PHF14: variants seen among roughly 807,000 people sequenced by gnomAD.
PHF14 encodes the protein PHD finger protein 14.
In PHF14, 55 loss-of-function variants were observed where a neutral mutation model predicts 117.9. The observed-to-expected ratio is 0.47, with a 90% CI of 0.38 to 0.58. The LOEUF is 0.58. Ranked by LOEUF, PHF14 falls within the 20% of genes least tolerant of loss-of-function variation. PHF14 has a pLI of 0.00. For synonymous variants in PHF14, 409 were observed against 368.6 expected (o/e 1.11, Z -1.26); for missense variants, 978 against 1,122.2 (o/e 0.87, Z 1.84).
chr7:11,051,471 A>T, intron 13 of PHF14, 141 bp from the exon 14 acceptor site: 2 of 634,554 alleles, frequency 3.2e-6, no homozygotes, highest in African/African-American at 1.8e-5. Context: ...ATGTTTTTTC[A>T]TTATGTACCC....
intron 17 of PHF14, among the ~76,000 whole-genome samples, chr7:11,143,999 C>T (rs1380311968): frequency 6.6e-6 from 1 of 152,000 alleles, no homozygotes; most frequent in Non-Finnish European, 1.5e-5. Flanking sequence ...CTCTGTAGAA[C>T]ATACCTGGAA....
At chr7:10,974,769 G>C (rs977837497) in intron 1 of PHF14, 66 bp from the exon 2 acceptor site, 11 of 816,816 alleles carry the variant, frequency 1.3e-5, no homozygotes, top group African/African-American at 5.2e-5. Flanking sequence ...TGTTCTCTTA[G>C]CACCACAACT....
At chr7:11,024,709 A>G (rs1288955564) in intron 6 of PHF14, among the ~76,000 whole-genome samples, 1 of 152,176 alleles carries the variant, frequency 6.6e-6, no homozygotes, top group Non-Finnish European at 1.5e-5. Flanking sequence ...CCTTGTTGAG[A>G]CTTACTGCTC....
At chr7:11,134,733 T>C (rs1008921071) in intron 17 of PHF14, among the ~76,000 whole-genome samples, 1 of 152,080 alleles carries the variant, frequency 6.6e-6, no homozygotes, top group African/African-American at 2.4e-5. Flanking sequence ...GAAATTATCG[T>C]AATCTTGTCA....
chr7:11,133,452 T>C (rs537141919), intron 17 of PHF14, among the ~76,000 whole-genome samples: 7 of 152,102 alleles, frequency 4.6e-5, no homozygotes, highest in South Asian at 2.1e-4. Flanking sequence ...AAAGAAAATA[T>C]AGTCTTTTCA....
chr7:11,132,532 G>A (rs914133581), intron 17 of PHF14, among the ~76,000 whole-genome samples: 1 of 151,670 alleles, frequency 6.6e-6, no homozygotes, highest in Non-Finnish European at 1.5e-5. Flanking sequence ...CTTGGCTATT[G>A]TGAATAATGC....
intron 17 of PHF14, among the ~76,000 whole-genome samples, chr7:11,140,412 G>A (rs1202613746): frequency 6.6e-6 from 1 of 152,082 alleles, no homozygotes; most frequent in Non-Finnish European, 1.5e-5. Context: ...CATTAGGGCT[G>A]ATATGTAGGT....
rs1784780719 is a variant in PHF14, at chr7:11,049,472, CTCA to C, written c.2313-2139_2313-2137del. ...CCTGGGCGACTTAGCAAGACTGTCT[CTCA>C]AAAAAAAAAAAAAAAAAAGTGTAAA... On this transcript the variant is annotated intron_variant, in intron 13 of 17. Coordinates refer to ENST00000634607, the MANE Select transcript of PHF14 (RefSeq NM_001007157.2). Among the ~76,000 whole-genome samples the C allele has an allele frequency of 3.2e-5, 3 of 93,684 alleles. No individual in the cohort carries two copies. The Admixed American group carries it at 3.7e-4, about 11-fold the overall frequency. The allele number at this position is 93,684 out of a possible 152,430, so 61.5% of individuals were successfully genotyped here. A position where few individuals can be genotyped will look rare whatever the true frequency, so the allele number is the denominator to read the frequency against.
intron 16 of PHF14, among the ~76,000 whole-genome samples, chr7:11,093,241 T>G (rs186458791): frequency 1.5e-4 from 23 of 152,364 alleles, no homozygotes; most frequent in African/African-American, 5.5e-4. Flanking sequence ...TTCTGCTGAT[T>G]GCTTTGTTTC....
intron 4 of PHF14, among the ~76,000 whole-genome samples, chr7:11,009,983 A>G (rs1359829982): frequency 6.6e-6 from 1 of 152,152 alleles, no homozygotes; most frequent in Non-Finnish European, 1.5e-5. Context: ...AATTTTCTTT[A>G]TTCTGAAAAA....
chr7:11,010,522 GTTAA>G (rs1703238102), intron 4 of PHF14, among the ~76,000 whole-genome samples: 1 of 151,606 alleles, frequency 6.6e-6, no homozygotes, highest in African/African-American at 2.4e-5. Context: ...ATTAAAGTAT[GTTAA>G]TTAAAAATGT....
chr7:10,996,021 C>T (rs1488038074), intron 4 of PHF14, among the ~76,000 whole-genome samples: 3 of 152,198 alleles, frequency 2.0e-5, no homozygotes, highest in Admixed American at 6.5e-5. Flanking sequence ...CCAGAGTGGG[C>T]GCCAAGGCCG....
intron 17 of PHF14, among the ~76,000 whole-genome samples, chr7:11,142,950 A>G (rs1197541503): frequency 1.3e-5 from 2 of 152,128 alleles, no homozygotes; most frequent in African/African-American, 2.4e-5. Context: ...TTGTAGCCCT[A>G]TAATTTACAA....
chr7:11,084,833 A>T (rs1279381337), intron 16 of PHF14, among the ~76,000 whole-genome samples: 2 of 152,086 alleles, frequency 1.3e-5, no homozygotes, highest in African/African-American at 4.8e-5. Flanking sequence ...TTCAATGTTT[A>T]TTCACTCATA....
chr7:11,121,695 G>C (rs910604549), intron 17 of PHF14, among the ~76,000 whole-genome samples: 1 of 152,014 alleles, frequency 6.6e-6, no homozygotes, highest in African/African-American at 2.4e-5. Context: ...CACTGAGACA[G>C]CTAAGTGACT....
At chr7:11,168,417 T>C (rs908873621) in intron 17 of PHF14, among the ~76,000 whole-genome samples, 4 of 152,236 alleles carry the variant, frequency 2.6e-5, no homozygotes, top group Non-Finnish European at 2.9e-5. Flanking sequence ...AAAACAAATA[T>C]GCATACCTTG....
chr7:11,016,146 A>G (rs1201809289), intron 5 of PHF14, among the ~76,000 whole-genome samples: 2 of 152,060 alleles, frequency 1.3e-5, no homozygotes, highest in South Asian at 2.1e-4. Flanking sequence ...ACCTCCTGTG[A>G]TGGTGCAATC....
chr7:11,075,088 C>G (rs535312676), intron 16 of PHF14, among the ~76,000 whole-genome samples: 4 of 151,982 alleles, frequency 2.6e-5, no homozygotes, highest in Admixed American at 6.6e-5. Context: ...CAGACACATG[C>G]CATCACACCT....
intron 7 of PHF14, among the ~76,000 whole-genome samples, chr7:11,029,044 TA>T (rs1784026504): frequency 6.6e-6 from 1 of 152,110 alleles, no homozygotes; most frequent in Non-Finnish European, 1.5e-5. Flanking sequence ...ATCTGACAGA[TA>T]AAATGAAAGA....
Sources: gnomAD v4.1 joint callset for allele counts (sites outside exome capture counted in the v4.1 genomes callset) on GRCh38, gnomAD v4.1.1 for gene constraint, MANE v1.5 for transcripts, NCBI Gene and HGNC (gene_info 2026-07-23, HGNC 2026-07-21) for gene names.